GIPC1: variants seen among roughly 807,000 people sequenced by gnomAD.
GIPC1 encodes PDZ domain-containing protein GIPC1.
In GIPC1, 15 loss-of-function variants were observed where a neutral mutation model predicts 28.5. The ratio of observed to expected loss-of-function variants is 0.53; its 90% CI spans 0.35 to 0.81. The LOEUF (loss-of-function observed/expected upper bound fraction) is 0.81. Among genes scored for constraint, GIPC1 ranks in the 30% least tolerant of loss-of-function variants. GIPC1 has a pLI of 0.01. For missense variants in GIPC1, 439 were observed against 481.9 expected (o/e 0.91, Z 0.83); for synonymous variants, 224 against 206.1 (o/e 1.09, Z -0.74).
intron 3 of GIPC1, among the ~76,000 whole-genome samples, chr19:14,485,720 G>T (rs866505416): frequency 1.3e-3 from 160 of 120,414 alleles, no homozygotes; most frequent in East Asian, 4.4e-3. Context: ...GAGAGAGAGA[G>T]AGAGAGAGAG....
At chr19:14,489,891 GAAAAA>G (rs200796134) in intron 3 of GIPC1, among the ~76,000 whole-genome samples, 4 of 125,614 alleles carry the variant, frequency 3.2e-5, no homozygotes, top group African/African-American at 1.2e-4. Context: ...ATGGCAAGGA[GAAAAA>G]AAAAAAAAAA....
intron 1 of GIPC1, among the ~76,000 whole-genome samples, chr19:14,494,456 G>A (rs1045193103): frequency 6.6e-6 from 1 of 152,162 alleles, no homozygotes; most frequent in African/African-American, 2.4e-5. Context: ...AGTACCACCC[G>A]CTCATATTTT....
intron 4 of GIPC1, among the ~76,000 whole-genome samples, chr19:14,481,390 T>C (rs1403813038): frequency 6.6e-6 from 1 of 152,182 alleles, no homozygotes; most frequent in Non-Finnish European, 1.5e-5. Flanking sequence ...ACTATAGGTG[T>C]GCACCACTGT....
chr19:14,478,618 G>A lies in GIPC1; in HGVS notation c.851-51C>T. ...GGCACAAATGACACCAGGGACCAAG[G>A]GGCTCAGGGTGGATTCGGCCCCCAG... is the stretch of plus-strand genomic sequence containing the variant. On this transcript the variant is annotated intron_variant, in intron 8 of 8. Transcript: ENST00000393033. This position sits in a 1 kb window ranked among gnomAD's most constrained non-coding sequence, Gnocchi z 5.2. 6.2e-7 allele frequency: 1 copy of A among 1,612,808 alleles called. No individual in the cohort carries two copies. Among genetic ancestry groups the A allele is most frequent in the Non-Finnish European group, 8.5e-7 (1 of 1,178,970 alleles).
At chr19:14,482,520 C>T (rs2071750973) in intron 4 of GIPC1, 169 bp downstream of exon 4, 2 of 664,496 alleles carry the variant, frequency 3.0e-6, no homozygotes, top group Admixed American at 5.5e-5. Flanking sequence ...CCTCCCAGTG[C>T]CTCATGGGGA....
intron 1 of GIPC1, among the ~76,000 whole-genome samples, chr19:14,493,784 C>T (rs2072020000): frequency 6.6e-6 from 1 of 151,952 alleles, no homozygotes; most frequent in African/African-American, 2.4e-5. Context: ...GCCTCAGCCT[C>T]CCATGTAGCT....
At chr19:14,485,982 G>A (rs962292804) in intron 3 of GIPC1, among the ~76,000 whole-genome samples, 2 of 152,010 alleles carry the variant, frequency 1.3e-5, no homozygotes, top group Non-Finnish European at 2.9e-5. Context: ...ACGTTAGCAA[G>A]GATGGTCTCG....
chr19:14,479,562 T>A (rs1382291567), intron 6 of GIPC1, 38 bp from the exon 7 acceptor site: 15 of 1,129,404 alleles, frequency 1.3e-5, no homozygotes, highest in Non-Finnish European at 1.4e-5. Context: ...TGGGGGAAGC[T>A]TGGTTTTAGC....
Position 14,480,596 on chromosome 19 carries a change from G to C in GIPC1, c.471C>G (p.Ile157Met). 1 of 1,613,856 alleles carries C rather than the reference G, an allele frequency of 6.2e-7. No individual in the cohort carries two copies. Among genetic ancestry groups the C allele is most frequent in the East Asian group, 2.2e-5 (1 of 44,888 alleles). Reference sequence around the variant, plus strand: ...GGTGCCCCGTCTCCCCAGGCACCTTGATGAAGGCGTAGCCAGCCCCGTTGT... The same window carrying C: ...GGTGCCCCGTCTCCCCAGGCACCTTCATGAAGGCGTAGCCAGCCCCGTTGT... Reference protein sequence around the residue: ...ITDNGAGYAFIKRIKEGSVID... With the variant: ...ITDNGAGYAFMKRIKEGSVID... Residue 157 changes from isoleucine to methionine, a missense_variant, in exon 5 of 9, where the codon ATC becomes ATG. Coordinates refer to ENST00000393033, the MANE Select transcript of GIPC1 (RefSeq NM_005716.4).
At position 14,478,533 on chromosome 19, in the gene GIPC1, C is replaced by A; in HGVS notation, c.885G>T (p.Arg295Ser). 6.2e-7 allele frequency: 1 copy of A among 1,614,080 alleles called. No individual in the cohort carries two copies. Among genetic ancestry groups the A allele is most frequent in the Non-Finnish European group, 8.5e-7 (1 of 1,180,010 alleles). ...GGGCCTCGGCCAGCTCATCCGGGTT[C>A]CTTTTGTCCTTTCCCAGCTCCACCA... The part of the protein sequence containing the change: ...ATMVELGKDK[R>S]NPDELAEALD... Residue 295 changes from arginine (R) to serine (S), a missense_variant, in exon 9 of 9, where the codon AGG becomes AGT. Coordinates refer to ENST00000393033, the MANE Select transcript of GIPC1 (RefSeq NM_005716.4). This position sits in a 1 kb window ranked among gnomAD's most constrained non-coding sequence, Gnocchi z 5.2.
Position 14,480,570 on chromosome 19 carries a change from G to C in GIPC1, c.474+23C>G, listed in dbSNP as rs754254216. ...GCCCACCCTCACTCCCAGGCCTCCG[G>C]GGTGCCCCGTCTCCCCAGGCACCTT... On this transcript the variant is annotated intron_variant, in intron 5 of 8. Transcript: ENST00000393033. The C allele has an allele frequency of 7.4e-6, 12 of 1,610,968 alleles. No homozygotes were observed. In the African/African-American group the frequency reaches 1.1e-4, roughly 14 times the overall value.
At position 14,496,095 on chromosome 19, in the gene GIPC1, G is replaced by A. The variant is rs1336022444; in HGVS notation, c.-233C>T. 3 of 225,644 alleles carry A rather than the reference G, an allele frequency of 1.3e-5. No homozygotes were observed. The highest frequency in any genetic ancestry group is 9.7e-5 in the South Asian group (1 of 10,324). The allele number at this position is 225,644 out of a possible 1,614,324, so 14.0% of individuals were successfully genotyped here. On this transcript the variant is annotated 5_prime_UTR_variant, in exon 1 of 9. Coordinates refer to ENST00000393033, the MANE Select transcript of GIPC1 (RefSeq NM_005716.4). ...CGCCGCTGCCTCCGCCTCCCCGTGC[G>A]CACCCGGCTCGGCCCTCCGCAAACT...
chr19:14,479,266 C>T (rs897461615), intron 7 of GIPC1, 146 bp downstream of exon 7: 17 of 463,660 alleles, frequency 3.7e-5, no homozygotes, highest in African/African-American at 2.3e-4. Flanking sequence ...GCAGGAGTAT[C>T]GCTTGAACCT....
At chr19:14,493,871 G>C (rs2072021628) in intron 1 of GIPC1, among the ~76,000 whole-genome samples, 1 of 151,972 alleles carries the variant, frequency 6.6e-6, no homozygotes, top group African/African-American at 2.4e-5. Context: ...ATGTTGGTCA[G>C]GCTGGTCTTG....
intron 3 of GIPC1, among the ~76,000 whole-genome samples, chr19:14,483,774 A>C (rs939551527): frequency 1.4e-5 from 2 of 147,728 alleles, no homozygotes; most frequent in Non-Finnish European, 3.0e-5. Context: ...AATAATAATA[A>C]TAATAATAAT....
chr19:14,478,642 A>G lies in GIPC1; in HGVS notation c.850+42T>C. 1 of 1,611,254 alleles carries G rather than the reference A, an allele frequency of 6.2e-7. No homozygotes were observed. The highest frequency in any genetic ancestry group is 8.5e-7 in the Non-Finnish European group (1 of 1,177,520). On this transcript the variant is annotated intron_variant, in intron 8 of 8. Transcript: ENST00000393033. The surrounding 1 kb of genome is among the most constrained non-coding windows in gnomAD (Gnocchi z 5.2). The stretch of plus-strand genomic sequence containing the variant: ...GGGGCTCAGGGTGGATTCGGCCCCC[A>G]GCAGACCTAGATGCCCCCTCCCCCA...
In GIPC1 at chr19:14,480,750, T is replaced by C. The variant is rs1300217957; in HGVS notation, c.317A>G (p.Lys106Arg). ...EVMFCTLNTH[K>R]VDMDKLLGGQ... Reference sequence around the variant, plus strand: ...CCCCAGGAGCTTGTCCATGTCCACTTTGTGGGTGTTCAGGGTGCAGAACAT... The same window carrying C: ...CCCCAGGAGCTTGTCCATGTCCACTCTGTGGGTGTTCAGGGTGCAGAACAT... Residue 106 changes from lysine (K) to arginine (R), a missense_variant, in exon 5 of 9, where the codon AAA becomes AGA. Physicochemically the swap from Lys to Arg is conservative, Grantham distance 26. Coordinates refer to ENST00000393033, the MANE Select transcript of GIPC1 (RefSeq NM_005716.4). The C allele has an allele frequency of 1.2e-6, 2 of 1,613,794 alleles. No homozygotes were observed. The highest frequency in any genetic ancestry group is 1.7e-6 in the Non-Finnish European group (2 of 1,179,702).
intron 3 of GIPC1, among the ~76,000 whole-genome samples, chr19:14,487,014 C>G: frequency 6.6e-6 from 1 of 151,714 alleles, no homozygotes; most frequent in East Asian, 1.9e-4. Context: ...TTACTGTATT[C>G]TGTGCACCAT....
At chr19:14,489,360 G>T (rs780054650) in intron 3 of GIPC1, 19 of 782,402 alleles carry the variant, frequency 2.4e-5, no homozygotes, top group South Asian at 2.4e-4. Context: ...CTGTTCCAAG[G>T]CATCTGTGAG....
Sources: allele counts gnomAD v4.1 joint callset (sites outside exome capture counted in the v4.1 genomes callset), GRCh38; gene constraint gnomAD v4.1.1; non-coding constraint Gnocchi (gnomAD v3.1); transcripts MANE v1.5; gene names NCBI Gene and HGNC (gene_info 2026-07-23, HGNC 2026-07-21).